SIPA1L2: variants seen among roughly 807,000 people sequenced by gnomAD.
SIPA1L2 encodes the protein signal-induced proliferation-associated 1-like protein 2.
A neutral mutation model predicts 163.9 loss-of-function variants in SIPA1L2; 56 were observed. The ratio of observed to expected loss-of-function variants is 0.34; its 90% CI spans 0.28 to 0.43. SIPA1L2 has a LOEUF of 0.43. Among genes scored for constraint, SIPA1L2 ranks in the 20% least tolerant of loss-of-function variants. The pLI is 1.00. For synonymous variants in SIPA1L2, 877 were observed against 865.7 expected (o/e 1.01, Z -0.23); for missense variants, 1,974 against 2,193.5 (o/e 0.90, Z 2.00).
Position 232,470,089 on chromosome 1 carries a change from C to T in SIPA1L2, c.2243+1282G>A, listed in dbSNP as rs75963530. On this transcript the variant is annotated intron_variant, in intron 8 of 22. Transcript: ENST00000674635. ...AATTAGGAAGGTTCATTTTATTCTT[C>T]AGAATTACCATTCGCTGGATGAGCT... Among the ~76,000 whole-genome samples, 208 of 152,214 alleles carry T rather than the reference C, an allele frequency of 1.4e-3. 7 individuals are homozygous for T. In the East Asian group the frequency reaches 0.038, roughly 28 times the overall value.
intron 11 of SIPA1L2, among the ~76,000 whole-genome samples, chr1:232,444,801 C>T (rs912150393): frequency 6.6e-6 from 1 of 152,180 alleles, no homozygotes; most frequent in Admixed American, 6.5e-5. Context: ...GTGATTCCAG[C>T]CTGGCTCCCA....
intron 2 of SIPA1L2, among the ~76,000 whole-genome samples, chr1:232,557,134 A>G (rs1013173873): frequency 1.1e-4 from 17 of 152,226 alleles, no homozygotes; most frequent in Non-Finnish European, 2.4e-4. Flanking sequence ...TGTAATCCAC[A>G]GTAGGTTATG....
rs144553317 is a variant in SIPA1L2, at chr1:232,511,787, G to A, written c.1483+2070C>T. Reference sequence around the variant, plus strand: ...CCATAAAAACCCTAGAAGAAAACCTGGGCAATACCATTCAGGACATAGGCA... The same window carrying A: ...CCATAAAAACCCTAGAAGAAAACCTAGGCAATACCATTCAGGACATAGGCA... On this transcript the variant is annotated intron_variant, in intron 3 of 22. Transcript: ENST00000674635. Among the ~76,000 whole-genome samples, 811 of 152,034 alleles carry A rather than the reference G, an allele frequency of 5.3e-3. 9 individuals carry two copies. The highest frequency in any genetic ancestry group is 0.018 in the African/African-American group (765 of 41,474).
chr1:232,451,710 A>G (rs1048333735), intron 10 of SIPA1L2, among the ~76,000 whole-genome samples: 43 of 152,196 alleles, frequency 2.8e-4, no homozygotes, highest in African/African-American at 1.0e-3. Context: ...CATTCTTTAC[A>G]GTTTGCTTGC....
intron 1 of SIPA1L2, among the ~76,000 whole-genome samples, chr1:232,609,829 CA>C (rs71173228): frequency 0.64 from 65,300 of 101,728 alleles, 16,912 homozygotes; most frequent in Middle Eastern, 0.75. Flanking sequence ...GACTCCATCT[CA>C]AAAAAAAAAA....
chr1:232,473,829 A>T (rs1342468986), intron 7 of SIPA1L2, among the ~76,000 whole-genome samples: 1 of 152,220 alleles, frequency 6.6e-6, no homozygotes, highest in Non-Finnish European at 1.5e-5. Context: ...TAAAATCTAA[A>T]GCTCTTTGAA....
At chr1:232,461,244 C>G in intron 9 of SIPA1L2, 83 bp from the exon 10 acceptor site, 3 of 1,531,030 alleles carry the variant, frequency 2.0e-6, no homozygotes, top group African/African-American at 1.4e-5. Flanking sequence ...TATGGGCCTC[C>G]ATGCCAGCCC....
At chr1:232,489,136 C>G (rs1242405213) in intron 5 of SIPA1L2, among the ~76,000 whole-genome samples, 1 of 152,158 alleles carries the variant, frequency 6.6e-6, no homozygotes, top group Non-Finnish European at 1.5e-5. Context: ...CACCAGGCAC[C>G]TGCTCTGTAG....
chr1:232,464,386 T>C lies in SIPA1L2; in HGVS notation c.2820+454A>G, dbSNP rs548185839. ...GAAACTGTGGCTCTAAGATTAATAA[T>C]ATATTTAATCTGGCACATTAAACAA... On this transcript the variant is annotated intron_variant, in intron 9 of 22. Coordinates refer to ENST00000674635, the MANE Select transcript of SIPA1L2 (RefSeq NM_020808.5). Among the ~76,000 whole-genome samples the C allele has an allele frequency of 1.2e-4, 19 of 152,308 alleles. No homozygotes were observed. The South Asian group carries it at 3.9e-3, about 32-fold the overall frequency.
chr1:232,601,767 TTACAG>T (rs1661606323), intron 1 of SIPA1L2, among the ~76,000 whole-genome samples: 2 of 152,180 alleles, frequency 1.3e-5, no homozygotes, highest in Non-Finnish European at 2.9e-5. Flanking sequence ...CTTGTATTCT[TTACAG>T]TACATTTTTC....
At chr1:232,433,952 C>T (rs767549033) in intron 15 of SIPA1L2, among the ~76,000 whole-genome samples, 14 of 152,070 alleles carry the variant, frequency 9.2e-5, no homozygotes, top group African/African-American at 3.4e-4. Flanking sequence ...TATCTACCTC[C>T]GAAGGTTTCT....
chr1:232,622,021 C>A (rs1342904506), intron 1 of SIPA1L2, among the ~76,000 whole-genome samples: 1 of 152,194 alleles, frequency 6.6e-6, no homozygotes, highest in Non-Finnish European at 1.5e-5. Context: ...AGCCACTATG[C>A]CCAAATTAAA....
intron 2 of SIPA1L2, among the ~76,000 whole-genome samples, chr1:232,528,651 C>CA (rs1667833377): frequency 6.6e-6 from 1 of 152,234 alleles, no homozygotes; most frequent in South Asian, 2.1e-4. Flanking sequence ...TCCAGCCTCA[C>CA]ATCACTGGTG....
intron 2 of SIPA1L2, among the ~76,000 whole-genome samples, chr1:232,521,238 A>G (rs949567745): frequency 6.6e-6 from 1 of 152,204 alleles, no homozygotes; most frequent in Non-Finnish European, 1.5e-5. Context: ...TTCTTGCTGG[A>G]AAGTTCACAC....
chr1:232,404,413 A>G (rs1306866248), intron 19 of SIPA1L2, among the ~76,000 whole-genome samples: 1 of 152,180 alleles, frequency 6.6e-6, no homozygotes, highest in Non-Finnish European at 1.5e-5. Flanking sequence ...TATGCCATAC[A>G]CACATGGATC....
At chr1:232,415,981 C>T (rs1413517880) in intron 18 of SIPA1L2, 1 of 242,848 alleles carries the variant, frequency 4.1e-6, no homozygotes, top group Non-Finnish European at 7.5e-6. Flanking sequence ...CACCACTGTC[C>T]CTCCCAGAGT....
chr1:232,613,886 C>G (rs191204242), intron 1 of SIPA1L2, among the ~76,000 whole-genome samples: 27 of 152,252 alleles, frequency 1.8e-4, no homozygotes, highest in Non-Finnish European at 3.7e-4. Flanking sequence ...AAGAATCGCC[C>G]ACAGGATTTG....
intron 1 of SIPA1L2, among the ~76,000 whole-genome samples, chr1:232,597,689 C>CAAAAAAAAAA (rs376123118): frequency 1.5e-5 from 1 of 65,400 alleles, no homozygotes; most frequent in Non-Finnish European, 2.8e-5. Context: ...AACTCTGTCT[C>CAAAAAAAAAA]AAAAAAAAAA....
chr1:232,575,706 A>G (rs961749457), intron 1 of SIPA1L2, among the ~76,000 whole-genome samples: 2 of 152,240 alleles, frequency 1.3e-5, no homozygotes, highest in Admixed American at 1.3e-4. Flanking sequence ...CAGGATCTCG[A>G]AGATGAACTG....
Sources: gnomAD v4.1 joint callset for allele counts (sites outside exome capture counted in the v4.1 genomes callset) on GRCh38, gnomAD v4.1.1 for gene constraint, MANE v1.5 for transcripts, NCBI Gene and HGNC (gene_info 2026-07-23, HGNC 2026-07-21) for gene names.